LARS1: variants seen among roughly 807,000 people sequenced by gnomAD.
LARS1 encodes leucine--tRNA ligase, cytoplasmic.
In LARS1, 100 loss-of-function variants were observed where a neutral mutation model predicts 162.8. The observed-to-expected ratio is 0.61, with a 90% CI of 0.52 to 0.73. The LOEUF (loss-of-function observed/expected upper bound fraction) is 0.73. Ranked by LOEUF, LARS1 falls within the 30% of genes least tolerant of loss-of-function variation. The pLI is 0.00. For missense variants in LARS1, 1,258 were observed against 1,408.9 expected (o/e 0.89, Z 1.71); for synonymous variants, 457 against 462.8 (o/e 0.99, Z 0.16).
intron 7 of LARS1, among the ~76,000 whole-genome samples, chr5:146,160,165 G>C (rs955950532): frequency 6.6e-6 from 1 of 151,992 alleles, no homozygotes; most frequent in South Asian, 2.1e-4. Context: ...CTCTCAAGTA[G>C]CTAGGACTAC....
intron 31 of LARS1, among the ~76,000 whole-genome samples, chr5:146,116,393 C>G (rs1764212367): frequency 6.6e-6 from 1 of 152,204 alleles, no homozygotes; most frequent in East Asian, 1.9e-4. Context: ...CTGTCTAAAA[C>G]AGACCTCCCT....
intron 21 of LARS1, among the ~76,000 whole-genome samples, chr5:146,139,257 C>T (rs996809621): frequency 1.1e-4 from 17 of 150,470 alleles, no homozygotes; most frequent in East Asian, 7.9e-4. Flanking sequence ...GCAAGAGAAT[C>T]GCTTGAATCT....
intron 28 of LARS1, among the ~76,000 whole-genome samples, chr5:146,124,931 G>A (rs1751980170): frequency 6.6e-6 from 1 of 151,428 alleles, no homozygotes; most frequent in South Asian, 2.1e-4. Flanking sequence ...CCACTCAAAC[G>A]GTCTGATGCT....
At chr5:146,131,486 G>GGTTTTTTTTTTTTT (rs1561802916) in intron 23 of LARS1, 3 of 119,458 alleles carry the variant, frequency 2.5e-5, no homozygotes, top group Non-Finnish European at 1.7e-5. Context: ...TTGTAGCCAA[G>GGTTTTTTTTTTTTT]TTTTTTTTTT....
At chr5:146,144,196 A>G (rs2126484347) in intron 18 of LARS1, 71 bp downstream of exon 18, 1 of 1,123,462 alleles carries the variant, frequency 8.9e-7, no homozygotes, top group South Asian at 1.5e-5. Flanking sequence ...GGCAGGGGGG[A>G]AAGGTAAAAA....
intron 31 of LARS1, among the ~76,000 whole-genome samples, chr5:146,117,579 C>T (rs986318952): frequency 6.6e-6 from 1 of 152,288 alleles, no homozygotes; most frequent in East Asian, 1.9e-4. Context: ...CACTGCACTC[C>T]AGCCTGGGTG....
intron 2 of LARS1, 58 bp downstream of exon 2, chr5:146,177,483 AATATAT>A (rs36005893): frequency 4.2e-4 from 51 of 120,684 alleles, no homozygotes; most frequent in South Asian, 1.2e-3. Flanking sequence ...AAAAAAAAAA[AATATAT>A]ATATATATAT....
chr5:146,151,869 TA>T lies in LARS1; in HGVS notation c.1417del (p.Tyr473MetfsTer18). ...AAAAAAATTATTACTTACACCCTCATAAAATCCTTTTAGATATATCTTCTCC... is the reference window on the plus strand; with the variant it reads ...AAAAAAATTATTACTTACACCCTCATAAATCCTTTTAGATATATCTTCTCC... ...AKEKIYLKGFYEGIMLVDGFK... is the reference protein window; with the variant it reads ...AKEKIYLKGFXEGIMLVDGFK... On this transcript the variant is annotated frameshift_variant, in exon 14 of 32. Transcript: ENST00000394434. LOFTEE classifies it high-confidence loss of function. 6.2e-7 allele frequency: 1 copy of T among 1,613,536 alleles called. No homozygotes were observed.
At chr5:146,153,081 C>G in intron 13 of LARS1, 93 bp downstream of exon 13, 1 of 980,140 alleles carries the variant, frequency 1.0e-6, no homozygotes, top group Non-Finnish European at 1.6e-6. Context: ...TCATACTCCA[C>G]CAATTAATTT....
chr5:146,148,097 T>C (rs1435829555), intron 15 of LARS1, among the ~76,000 whole-genome samples: 4 of 152,318 alleles, frequency 2.6e-5, no homozygotes, highest in Non-Finnish European at 4.4e-5. Context: ...AGAAGACATA[T>C]TTCAGACATG....
chr5:146,144,807 T>A, intron 15 of LARS1, 98 bp from the exon 16 acceptor site: 1 of 1,024,462 alleles, frequency 9.8e-7, no homozygotes, highest in Non-Finnish European at 1.5e-6. Flanking sequence ...ATACCACCAA[T>A]AACTGAAAGC....
chr5:146,115,046 G>GAAA lies in LARS1; in HGVS notation c.3326-738_3326-736dup, dbSNP rs35008800. On this transcript the variant is annotated intron_variant, in intron 31 of 31. Coordinates refer to ENST00000394434, the MANE Select transcript of LARS1 (RefSeq NM_020117.11). ...CAACAGAGCAAGATTCTGTCGGGGG[G>GAAA]AAAAAAAAAAAAAAAAAAAAACAAT... Among the ~76,000 whole-genome samples the GAAA allele has an allele frequency of 9.8e-3, 958 of 97,506 alleles. 5 individuals are homozygous for GAAA. Among genetic ancestry groups the GAAA allele is most frequent in the African/African-American group, 0.02 (535 of 26,716 alleles). 64.0% of individuals were successfully genotyped at this position (97,506 alleles called of 152,430 possible). A position where few individuals can be genotyped will look rare whatever the true frequency, so the allele number is the denominator to read the frequency against.
chr5:146,139,779 GCAGGAGAATGGCGTGAACC>G (rs139895165), intron 21 of LARS1: 89,526 of 149,938 alleles, frequency 0.6, 27,237 homozygotes, highest in Middle Eastern at 0.78. Flanking sequence ...AGAGGCTGAG[GCAGGAGAATGGCGTGAACC>G]CAGGGGGCGG....
intron 7 of LARS1, among the ~76,000 whole-genome samples, 157 bp from the exon 8 acceptor site, chr5:146,159,627 T>C (rs938137621): frequency 4.6e-5 from 7 of 152,170 alleles, no homozygotes; most frequent in Non-Finnish European, 7.4e-5. Flanking sequence ...GTAGTTCCAC[T>C]GTCAACCTAC....
Position 146,165,102 on chromosome 5 carries a change from G to A in LARS1, c.433-631C>T, listed in dbSNP as rs1340334367. Among the ~76,000 whole-genome samples, 7 of 152,176 alleles carry A rather than the reference G, an allele frequency of 4.6e-5. No homozygotes were observed. In the East Asian group the frequency reaches 5.8e-4, roughly 13 times the overall value. Reference sequence around the variant, plus strand: ...TGTAATATCAGCACTTTGGGAGGCCGAGGCAGGCAGATCACGAGGTCAGGA... The same window carrying A: ...TGTAATATCAGCACTTTGGGAGGCCAAGGCAGGCAGATCACGAGGTCAGGA... On this transcript the variant is annotated intron_variant, in intron 5 of 31. Coordinates refer to ENST00000394434, the MANE Select transcript of LARS1 (RefSeq NM_020117.11).
chr5:146,127,895 G>T (rs540710306), intron 27 of LARS1, among the ~76,000 whole-genome samples: 1 of 152,012 alleles, frequency 6.6e-6, no homozygotes, highest in African/African-American at 2.4e-5. Context: ...TCCAATAATG[G>T]TCTAGAATAT....
intron 13 of LARS1, among the ~76,000 whole-genome samples, chr5:146,152,488 T>C (rs965642097): frequency 6.6e-6 from 1 of 152,258 alleles, no homozygotes; most frequent in South Asian, 2.1e-4. Flanking sequence ...ACGAACCCTA[T>C]TGTGAACTGT....
At chr5:146,142,108 T>C (rs1752807412) in intron 20 of LARS1, among the ~76,000 whole-genome samples, 1 of 152,056 alleles carries the variant, frequency 6.6e-6, no homozygotes. Flanking sequence ...TGCAGTGAGC[T>C]GAGATCACAC....
intron 23 of LARS1, chr5:146,131,841 A>G (rs1752300079): frequency 6.6e-6 from 1 of 152,112 alleles, no homozygotes; most frequent in African/African-American, 2.4e-5. Flanking sequence ...TGGATATCAG[A>G]AAAAAATTTT....
Sources: allele counts gnomAD v4.1 joint callset (sites outside exome capture counted in the v4.1 genomes callset), GRCh38; gene constraint gnomAD v4.1.1; transcripts MANE v1.5; gene names NCBI Gene and HGNC (gene_info 2026-07-23, HGNC 2026-07-21).